MGAT4C: variants seen among roughly 807,000 people sequenced by gnomAD.
MGAT4C encodes MGAT4 family member C.
Under a neutral mutation model 40.1 loss-of-function variants are expected in MGAT4C, and 19 were observed. The observed-to-expected ratio is 0.47, with a 90% CI of 0.33 to 0.70. The LOEUF (loss-of-function observed/expected upper bound fraction) is 0.70. Among genes scored for constraint, MGAT4C ranks in the 30% least tolerant of loss-of-function variants. The probability of loss-of-function intolerance (pLI) is 0.02; values close to 1 mark genes in which losing one functional copy is unlikely to be tolerated. For synonymous variants in MGAT4C, 181 were observed against 187.1 expected (o/e 0.97, Z 0.27); for missense variants, 491 against 563.2 (o/e 0.87, Z 1.30).
intron 1 of MGAT4C, among the ~76,000 whole-genome samples, chr12:86,728,151 G>A (rs957961897): frequency 9.9e-5 from 15 of 152,152 alleles, no homozygotes; most frequent in African/African-American, 3.6e-4. Flanking sequence ...AATGAGAAAA[G>A]TTTTTTAATA....
chr12:85,972,895 G>GA lies in MGAT4C; in HGVS notation c.*6393dup, dbSNP rs1883695374. ...AAAATTTTATCAATTATTAAAGATG[G>GA]AAAAAATAGGACTATGTCAAATAGT... On this transcript the variant is annotated 3_prime_UTR_variant, in exon 5 of 5. Transcript: ENST00000611864. 1 of 150,700 alleles carries GA rather than the reference G, an allele frequency of 6.6e-6. No homozygotes were observed. The highest frequency in any genetic ancestry group is 6.6e-5 in the Admixed American group (1 of 15,092). The allele number at this position is 150,700 out of a possible 1,614,324, so 9.3% of individuals were successfully genotyped here.
At chr12:86,287,959 CCCA>C (rs544614433) in intron 4 of MGAT4C, among the ~76,000 whole-genome samples, 1 of 152,200 alleles carries the variant, frequency 6.6e-6, no homozygotes, top group Non-Finnish European at 1.5e-5. Context: ...AATTTACACT[CCCA>C]CCAACAGTGT....
At chr12:86,027,167 A>G (rs1414776973) in intron 2 of MGAT4C, among the ~76,000 whole-genome samples, 6 of 151,902 alleles carry the variant, frequency 3.9e-5, no homozygotes, top group Admixed American at 2.6e-4. Context: ...ATACAGTGTC[A>G]TAATAGAAGA....
chr12:86,713,700 TA>T (rs1950597875), intron 2 of MGAT4C, among the ~76,000 whole-genome samples: 1 of 152,076 alleles, frequency 6.6e-6, no homozygotes, highest in Non-Finnish European at 1.5e-5. Flanking sequence ...TTTATTTTCT[TA>T]AAAACTCCTA....
intron 2 of MGAT4C, among the ~76,000 whole-genome samples, chr12:86,506,454 C>T (rs1204380189): frequency 6.6e-6 from 1 of 152,052 alleles, no homozygotes; most frequent in Non-Finnish European, 1.5e-5. Flanking sequence ...TGTCCTGGGA[C>T]CCACAGACCA....
chr12:86,233,388 A>G (rs1318696788), intron 1 of MGAT4C, among the ~76,000 whole-genome samples: 7 of 152,206 alleles, frequency 4.6e-5, no homozygotes, highest in Admixed American at 4.6e-4. Context: ...AGACACTTTG[A>G]TGCTAATGAC....
At chr12:86,589,364 A>T (rs1216719988) in intron 2 of MGAT4C, among the ~76,000 whole-genome samples, 2 of 152,124 alleles carry the variant, frequency 1.3e-5, no homozygotes, top group Non-Finnish European at 2.9e-5. Flanking sequence ...AAGAAGTTGA[A>T]TCTCTGAATT....
chr12:86,751,227 T>A (rs1321317928), intron 1 of MGAT4C, among the ~76,000 whole-genome samples: 1 of 151,974 alleles, frequency 6.6e-6, no homozygotes, highest in East Asian at 1.9e-4. Context: ...TCTAGAAACT[T>A]AGGTTACTGC....
chr12:86,539,333 G>T (rs1175683651), intron 2 of MGAT4C, among the ~76,000 whole-genome samples: 1 of 151,362 alleles, frequency 6.6e-6, no homozygotes, highest in Admixed American at 6.6e-5. Context: ...CTTCATCCAT[G>T]TCCCTACAAA....
intron 1 of MGAT4C, among the ~76,000 whole-genome samples, chr12:86,242,595 C>A (rs1472194113): frequency 6.6e-6 from 1 of 152,008 alleles, no homozygotes; most frequent in Non-Finnish European, 1.5e-5. Context: ...AGAGCCTTTA[C>A]CGATTTTATG....
At chr12:86,486,376 G>GCACA (rs59222713) in intron 2 of MGAT4C, among the ~76,000 whole-genome samples, 2,567 of 140,050 alleles carry the variant, frequency 0.018, 34 homozygotes, top group East Asian at 0.055. Flanking sequence ...GATCTATCAT[G>GCACA]CACACACACA....
Position 86,207,210 on chromosome 12 carries a change from T to C in MGAT4C, c.-57+49029A>G, listed in dbSNP as rs116834606. The stretch of plus-strand genomic sequence containing the variant: ...AGAAAGAGAGGCTCATATAGATTAA[T>C]TATCTTTACAGTGACATTTCGCATG... On this transcript the variant is annotated intron_variant, in intron 1 of 4. Coordinates refer to ENST00000611864, the MANE Select transcript of MGAT4C (RefSeq NM_001351288.2). Among the ~76,000 whole-genome samples the C allele has an allele frequency of 1.2e-3, 188 of 152,222 alleles. 1 individual carries two copies. The highest frequency in any genetic ancestry group is 4.3e-3 in the African/African-American group (177 of 41,548).
At chr12:86,411,977 C>A (rs921716285) in intron 3 of MGAT4C, among the ~76,000 whole-genome samples, 1 of 152,214 alleles carries the variant, frequency 6.6e-6, no homozygotes, top group Non-Finnish European at 1.5e-5. Flanking sequence ...CCAAAGAGTG[C>A]CAGTCCTAAG....
intron 1 of MGAT4C, among the ~76,000 whole-genome samples, chr12:86,774,281 C>CTGTT (rs1951692302): frequency 1.7e-5 from 1 of 58,934 alleles, no homozygotes; most frequent in Admixed American, 1.9e-4. Flanking sequence ...CTAAGGCTTG[C>CTGTT]TCTTTCTTTC....
At position 86,178,046 on chromosome 12, in the gene MGAT4C, C is replaced by T. The variant is rs539479063; in HGVS notation, c.-57+78193G>A. 6.8e-4 allele frequency among the ~76,000 whole-genome samples: 103 copies of T among 152,208 alleles called. 1 individual carries two copies. Among genetic ancestry groups the T allele is most frequent in the Non-Finnish European group, 1.2e-3 (85 of 68,008 alleles). ...CCGCCTCCTGGGTTCACACCATTCT[C>T]GTGCCTCAGCCTCCCGAGTAGCTGG... On this transcript the variant is annotated intron_variant, in intron 1 of 4. Coordinates refer to ENST00000611864, the MANE Select transcript of MGAT4C (RefSeq NM_001351288.2).
chr12:86,205,069 A>G (rs1950200171), intron 1 of MGAT4C, among the ~76,000 whole-genome samples: 1 of 152,028 alleles, frequency 6.6e-6, no homozygotes, highest in Non-Finnish European at 1.5e-5. Context: ...TTCTACATGT[A>G]TATAAAAATA....
chr12:86,689,566 GC>G (rs2136594784), intron 2 of MGAT4C, among the ~76,000 whole-genome samples: 1 of 152,280 alleles, frequency 6.6e-6, no homozygotes, highest in East Asian at 1.9e-4. Context: ...TAACAGTCAG[GC>G]TTCTCTTGTG....
chr12:86,667,714 T>C (rs1964150528), intron 2 of MGAT4C, among the ~76,000 whole-genome samples: 1 of 152,234 alleles, frequency 6.6e-6, no homozygotes, highest in African/African-American at 2.4e-5. Flanking sequence ...ATTTGAATTT[T>C]TGCATGATCC....
chr12:86,406,781 CTTT>C (rs1309074393), intron 3 of MGAT4C, among the ~76,000 whole-genome samples: 1 of 151,874 alleles, frequency 6.6e-6, no homozygotes, highest in African/African-American at 2.4e-5. Context: ...ATGAGATAAA[CTTT>C]TTTATCTCTT....
Sources: gnomAD v4.1 joint callset for allele counts (sites outside exome capture counted in the v4.1 genomes callset) on GRCh38, gnomAD v4.1.1 for gene constraint, MANE v1.5 for transcripts, NCBI Gene and HGNC (gene_info 2026-07-23, HGNC 2026-07-21) for gene names.